Variants in JAKMIP3 observed in about 807,000 individuals in gnomAD.
The protein encoded by JAKMIP3 is Janus kinase and microtubule interacting protein 3.
In JAKMIP3, 58 loss-of-function variants were observed where a neutral mutation model predicts 118.5. That is an observed-to-expected ratio of 0.49 (90% CI 0.40 to 0.61). The LOEUF is 0.61. Ranked by LOEUF, JAKMIP3 falls within the 20% of genes least tolerant of loss-of-function variation. The pLI, the probability that JAKMIP3 is intolerant of heterozygous loss-of-function variation, is 0.00. For missense variants in JAKMIP3, 950 were observed against 1,109.0 expected (o/e 0.86, Z 2.04); for synonymous variants, 486 against 451.2 (o/e 1.08, Z -0.98).
intron 8 of JAKMIP3, 102 bp from the exon 9 acceptor site, chr10:132,138,017 C>A: frequency 8.9e-7 from 1 of 1,125,400 alleles, no homozygotes; most frequent in Non-Finnish European, 1.3e-6. Context: ...CAGACACCGT[C>A]TTCCCTGTCA....
chr10:132,159,831 C>T (rs374714664), intron 19 of JAKMIP3, among the ~76,000 whole-genome samples: 54 of 42,048 alleles, frequency 1.3e-3, no homozygotes, highest in African/African-American at 2.6e-3. Context: ...GGGGGCCTCT[C>T]CCTGTGTGAT....
intron 1 of JAKMIP3, among the ~76,000 whole-genome samples, chr10:132,078,770 T>C (rs915554074): frequency 1.3e-5 from 2 of 151,974 alleles, no homozygotes; most frequent in African/African-American, 4.8e-5. Context: ...TTTGCAGCTT[T>C]CCCCCCAGGC....
chr10:132,141,519 T>A (rs2053515315), intron 10 of JAKMIP3, among the ~76,000 whole-genome samples: 1 of 152,128 alleles, frequency 6.6e-6, no homozygotes, highest in South Asian at 2.1e-4. Flanking sequence ...TCCCAGGACG[T>A]GTTTCAGCAG....
In JAKMIP3 at chr10:132,153,069, G is replaced by C. The variant is rs559859823; in HGVS notation, c.2073+46G>C. 1.3e-4 allele frequency: 196 copies of C among 1,479,634 alleles called. 2 individuals carry two copies. The South Asian group carries it at 2.2e-3, about 17-fold the overall frequency. 91.7% of individuals were successfully genotyped at this position (1,479,634 alleles called of 1,614,324 possible). A position where few individuals can be genotyped will look rare whatever the true frequency, so the allele number is the denominator to read the frequency against. ...AGTCGGGAGAGGGCCGGGCTCCTGG[G>C]GTCTCCTGCCCTGCTCAGCTCAGAG... On this transcript the variant is annotated intron_variant, in intron 17 of 23. Transcript: ENST00000684848.
In JAKMIP3 at chr10:132,180,760, C is replaced by CGTGTGCGTGCGT. The variant is rs2061255538; in HGVS notation, c.*1104-1592_*1104-1591insCGTGCGTGTGTG. On this transcript the variant is annotated intron_variant, in intron 23 of 23. Transcript: ENST00000684848. The stretch of plus-strand genomic sequence containing the variant: ...GTGCGTGCGTGCGCGCGCGTGTGTG[C>CGTGTGCGTGCGT]GTGTGTGTGCGTGTGTGTGTGTGCG... 1.4e-4 allele frequency among the ~76,000 whole-genome samples: 2 copies of CGTGTGCGTGCGT among 14,736 alleles called. 1 individual carries two copies. The highest frequency in any genetic ancestry group is 8.3e-4 in the African/African-American group (2 of 2,404). 9.7% of individuals were successfully genotyped at this position (14,736 alleles called of 152,430 possible).
At chr10:132,127,666 T>TG (rs1453743966) in intron 3 of JAKMIP3, among the ~76,000 whole-genome samples, 1 of 151,984 alleles carries the variant, frequency 6.6e-6, no homozygotes, top group Non-Finnish European at 1.5e-5. Context: ...CTCATCCCCC[T>TG]GTTCCTTTTT....
rs117378267 is a variant in JAKMIP3 at position 132,045,198 on chromosome 10, G to A, written c.-138+8460G>A. 7.2e-4 allele frequency among the ~76,000 whole-genome samples: 109 copies of A among 152,212 alleles called. 2 individuals carry two copies. The East Asian group carries it at 0.012, about 16-fold the overall frequency. On this transcript the variant is annotated intron_variant, in intron 1 of 23. Transcript: ENST00000657785. ...CAACGCTCCCTTTCCATTCTGTTCC[G>A]TTTTGATCCCGGCCATCCTCACGGG... is the stretch of plus-strand genomic sequence containing the variant.
upstream of JAKMIP3, among the ~76,000 whole-genome samples, chr10:132,063,565 G>A (rs1437664216): frequency 2.0e-5 from 3 of 152,198 alleles, no homozygotes; most frequent in South Asian, 2.1e-4. Flanking sequence ...AAGCTGGAAC[G>A]CCGGGTGTCA....
Position 132,163,326 on chromosome 10 carries a change from T to C in JAKMIP3, c.2338T>C (p.Trp780Arg), listed in dbSNP as rs1177126858. ...GAAGCTCAAGGTGGCCGTGGAGCAG[T>C]GGAAGCGCCAGGTCATGAGTGAGCT... ...REKLKVAVEQWKRQVMSELRE... is the reference protein window; with the variant it reads ...REKLKVAVEQRKRQVMSELRE... Residue 780 changes from tryptophan (W) to arginine (R), a missense_variant, in exon 20 of 24, where the codon TGG becomes CGG. Trp to Arg is a moderately radical substitution (Grantham distance 101, BLOSUM62 -3). Transcript: ENST00000684848. 6.2e-7 allele frequency: 1 copy of C among 1,609,750 alleles called. No homozygotes were observed. The highest frequency in any genetic ancestry group is 2.2e-5 in the East Asian group (1 of 44,818).
chr10:132,182,928 C>T lies in JAKMIP3; in HGVS notation c.*1675C>T, dbSNP rs1052924938. 6.6e-6 allele frequency: 1 copy of T among 152,118 alleles called. No individual in the cohort carries two copies. Among genetic ancestry groups the T allele is most frequent in the Non-Finnish European group, 1.5e-5 (1 of 68,026 alleles). The allele number at this position is 152,118 out of a possible 1,614,324, so 9.4% of individuals were successfully genotyped here. ...TGCTGGAAAATGCACTATTAATCAG[C>T]ACTTGTCCAAGAAAGACCCATCCAT... On this transcript the variant is annotated 3_prime_UTR_variant, in exon 24 of 24. Coordinates refer to ENST00000684848, the MANE Select transcript of JAKMIP3 (RefSeq NM_001323087.2).
chr10:132,150,912 C>T (rs934405106), intron 16 of JAKMIP3, among the ~76,000 whole-genome samples: 1 of 152,016 alleles, frequency 6.6e-6, no homozygotes. Context: ...TTAATCCATC[C>T]ATTTATCCAT....
intron 23 of JAKMIP3, among the ~76,000 whole-genome samples, chr10:132,171,780 G>A (rs1346011973): frequency 3.3e-5 from 5 of 151,192 alleles, no homozygotes; most frequent in East Asian, 3.9e-4. Flanking sequence ...TCAGCCTCCC[G>A]AGTAGCGGGG....
At chr10:132,092,279 T>C (rs758201348) in intron 1 of JAKMIP3, among the ~76,000 whole-genome samples, 1 of 152,130 alleles carries the variant, frequency 6.6e-6, no homozygotes, top group Non-Finnish European at 1.5e-5. Flanking sequence ...ATCTTTGTGG[T>C]GTTCTCTGTA....
intron 1 of JAKMIP3, among the ~76,000 whole-genome samples, chr10:132,048,884 C>T (rs2038015838): frequency 6.6e-6 from 1 of 152,136 alleles, no homozygotes; most frequent in African/African-American, 2.4e-5. Context: ...TCGTGATCCG[C>T]CTGCCTTCGC....
At chr10:132,057,590 C>A (rs1007394699) in intron 1 of JAKMIP3, among the ~76,000 whole-genome samples, 3 of 152,224 alleles carry the variant, frequency 2.0e-5, no homozygotes, top group Non-Finnish European at 4.4e-5. Context: ...GGCACAGGCC[C>A]CACGAGGCTG....
At position 132,132,572 on chromosome 10, in the gene JAKMIP3, C is replaced by T. The variant is rs113750143; in HGVS notation, c.634-740C>T. ...TTGTAGGGAGGGTGGGGAGGGCCGC[C>T]GACCTCTCACAGCCACTGGTGGGGC... is the stretch of plus-strand genomic sequence containing the variant. On this transcript the variant is annotated intron_variant, in intron 3 of 23. Transcript: ENST00000684848. Among the ~76,000 whole-genome samples, 409 of 152,296 alleles carry T rather than the reference C, an allele frequency of 2.7e-3. 3 individuals carry two copies. Among genetic ancestry groups the T allele is most frequent in the African/African-American group, 8.6e-3 (356 of 41,564 alleles).
chr10:132,057,728 C>T (rs1469332570), intron 1 of JAKMIP3, among the ~76,000 whole-genome samples: 9 of 152,200 alleles, frequency 5.9e-5, no homozygotes, highest in Non-Finnish European at 1.0e-4. Flanking sequence ...GTGCTGGGTG[C>T]TCAGGGCTGA....
At chr10:132,043,455 T>C (rs1455021852) in intron 1 of JAKMIP3, among the ~76,000 whole-genome samples, 1 of 152,254 alleles carries the variant, frequency 6.6e-6, no homozygotes, top group Non-Finnish European at 1.5e-5. Context: ...GTTTTTAACC[T>C]GGGCTTTTCT....
intron 19 of JAKMIP3, among the ~76,000 whole-genome samples, chr10:132,159,691 TC>T (rs1392653154): frequency 1.0e-4 from 10 of 97,518 alleles, no homozygotes; most frequent in Non-Finnish European, 1.4e-4. Context: ...TATGTGATGC[TC>T]AGGGGGCCTC....
Sources: allele counts gnomAD v4.1 joint callset (sites outside exome capture counted in the v4.1 genomes callset), GRCh38; gene constraint gnomAD v4.1.1; transcripts MANE v1.5; gene names NCBI Gene and HGNC (gene_info 2026-07-23, HGNC 2026-07-21).